The following PIK3CB variants were observed in gnomAD, a reference collection of about 807,000 sequenced individuals.
PIK3CB encodes the protein phosphatidylinositol 4,5-bisphosphate 3-kinase catalytic subunit beta isoform.
In PIK3CB, 39 loss-of-function variants were observed where a neutral mutation model predicts 136.8. That is an observed-to-expected ratio of 0.29 (90% confidence interval 0.22 to 0.37). The LOEUF (loss-of-function observed/expected upper bound fraction) is 0.37, where lower values mean the gene tolerates loss of function less well. PIK3CB is among the 10% of genes least tolerant of loss of function. The pLI, the probability that PIK3CB is intolerant of heterozygous loss-of-function variation, is 1.00. For missense variants in PIK3CB, 868 were observed against 1,275.4 expected (o/e 0.68, Z 4.87); for synonymous variants, 428 against 436.6 (o/e 0.98, Z 0.25).
intron 2 of PIK3CB, chr3:138,777,927 A>AC (rs2045878756): frequency 1.4e-5 from 4 of 282,028 alleles, no homozygotes; most frequent in South Asian, 1.2e-4. Context: ...CTCATCAAGG[A>AC]CCCCCTCATT....
At chr3:138,794,446 T>C (rs2046086677) in intron 2 of PIK3CB, among the ~76,000 whole-genome samples, 1 of 152,188 alleles carries the variant, frequency 6.6e-6, no homozygotes, top group Admixed American at 6.5e-5. Flanking sequence ...AGTAAAGGCC[T>C]AGTTTGAGAT....
chr3:138,712,160 C>A, intron 10 of PIK3CB, 48 bp downstream of exon 10: 3 of 899,314 alleles, frequency 3.3e-6, no homozygotes, highest in South Asian at 3.1e-5. Flanking sequence ...GTCCACATGC[C>A]AAAAGTTAGT....
intron 5 of PIK3CB, among the ~76,000 whole-genome samples, chr3:138,740,037 T>G (rs1320277401): frequency 6.6e-6 from 1 of 151,836 alleles, no homozygotes; most frequent in Non-Finnish European, 1.5e-5. Flanking sequence ...ACTGGTGCCT[T>G]GATCTTGGAC....
At chr3:138,740,950 T>C (rs1273534555) in intron 5 of PIK3CB, among the ~76,000 whole-genome samples, 2 of 152,204 alleles carry the variant, frequency 1.3e-5, no homozygotes, top group East Asian at 3.9e-4. Flanking sequence ...TGTTCTCAAG[T>C]TGAACTCTCA....
intron 2 of PIK3CB, among the ~76,000 whole-genome samples, chr3:138,786,569 C>A (rs1245266218): frequency 6.6e-6 from 1 of 152,048 alleles, no homozygotes; most frequent in South Asian, 2.1e-4. Context: ...TGGTCTCGAA[C>A]TCCTCACCTC....
At chr3:138,683,316 T>G (rs918116121) in intron 18 of PIK3CB, among the ~76,000 whole-genome samples, 1 of 148,898 alleles carries the variant, frequency 6.7e-6, no homozygotes, top group Admixed American at 6.7e-5. Context: ...ATCGTGCCAT[T>G]GCACTCCAGG....
At chr3:138,714,442 A>T (rs2044567254) in intron 9 of PIK3CB, 26 bp downstream of exon 9, 2 of 1,503,906 alleles carry the variant, frequency 1.3e-6, no homozygotes, top group South Asian at 2.4e-5. Context: ...ATATAAAACA[A>T]TCCTCAGAAG....
chr3:138,675,660 G>A (rs2043628920), intron 19 of PIK3CB, among the ~76,000 whole-genome samples: 1 of 152,136 alleles, frequency 6.6e-6, no homozygotes, highest in Non-Finnish European at 1.5e-5. Flanking sequence ...TGACATATTA[G>A]ACATGCTGAA....
intron 11 of PIK3CB, among the ~76,000 whole-genome samples, chr3:138,706,354 C>G (rs972363221): frequency 2.6e-5 from 4 of 152,098 alleles, no homozygotes; most frequent in African/African-American, 9.7e-5. Flanking sequence ...CTCTTTATCC[C>G]CAAGACATGC....
chr3:138,663,009 C>T (rs1035713844), intron 21 of PIK3CB, among the ~76,000 whole-genome samples: 4 of 152,128 alleles, frequency 2.6e-5, no homozygotes, highest in Admixed American at 6.5e-5. Flanking sequence ...GCAAGGACTT[C>T]ATGTCTAAAA....
At chr3:138,779,265 T>C (rs930691302) in intron 2 of PIK3CB, among the ~76,000 whole-genome samples, 1 of 151,874 alleles carries the variant, frequency 6.6e-6, no homozygotes, top group African/African-American at 2.4e-5. Context: ...TTTTTGTATT[T>C]TTAGTAGAGA....
intron 4 of PIK3CB, among the ~76,000 whole-genome samples, chr3:138,751,128 A>G (rs752161708): frequency 6.6e-6 from 1 of 152,176 alleles, no homozygotes; most frequent in Non-Finnish European, 1.5e-5. Flanking sequence ...AACTGATACA[A>G]TCTAAATTTG....
At position 138,691,054 on chromosome 3, in the gene PIK3CB, A is replaced by C; in HGVS notation, c.1982T>G (p.Leu661Ter). 6.2e-7 allele frequency: 1 copy of C among 1,612,922 alleles called. No individual in the cohort carries two copies. Among genetic ancestry groups the C allele is most frequent in the Non-Finnish European group, 8.5e-7 (1 of 1,178,952 alleles). Residue 661 changes from leucine to a stop codon, truncating the protein, a stop_gained, in exon 15 of 24, where the codon TTA (leucine) becomes TGA (stop). Transcript: ENST00000674063. LOFTEE classifies it high-confidence loss of function. ...CCTCCGATTACCAAGTGCTCTTTCT[A>C]ATAGGAATCTAGAGAGGGCACAATC... Reference protein sequence around the residue: ...FLDCALSRFLLERALGNRRIG... With the variant: ...FLDCALSRFL
At chr3:138,763,920 G>A (rs923730247) in intron 2 of PIK3CB, among the ~76,000 whole-genome samples, 1 of 150,934 alleles carries the variant, frequency 6.6e-6, no homozygotes, top group African/African-American at 2.4e-5. Flanking sequence ...AGACCAGCCT[G>A]ACCAACATGG....
intron 1 of PIK3CB, chr3:138,825,275 CTG>C: frequency 2.4e-6 from 1 of 422,164 alleles, no homozygotes; most frequent in South Asian, 4.3e-5. Context: ...CTCAGGCTGA[CTG>C]TGCTGTTCTG....
intron 4 of PIK3CB, among the ~76,000 whole-genome samples, chr3:138,748,906 G>C (rs2045416548): frequency 6.6e-6 from 1 of 152,150 alleles, no homozygotes; most frequent in Non-Finnish European, 1.5e-5. Flanking sequence ...ATGCATGTCA[G>C]TAAGGGTTGC....
At chr3:138,663,389 A>G (rs190693648) in intron 21 of PIK3CB, among the ~76,000 whole-genome samples, 3 of 151,600 alleles carry the variant, frequency 2.0e-5, no homozygotes, top group African/African-American at 7.3e-5. Context: ...TTTTTCAATA[A>G]TTTTTTTTTG....
At position 138,654,595 on chromosome 3, in the gene PIK3CB, T is replaced by C. The variant is rs1465051694; in HGVS notation, c.*794A>G. On this transcript the variant is annotated 3_prime_UTR_variant, in exon 24 of 24. Transcript: ENST00000674063. ...AACTGTATTAATATGTGCCTCATTA[T>C]AGAAGCAGCTGGAAGAACTGGATCA... 2 of 227,220 alleles carry C rather than the reference T, an allele frequency of 8.8e-6. No homozygotes were observed. Among genetic ancestry groups the C allele is most frequent in the Non-Finnish European group, 1.7e-5 (2 of 114,348 alleles). The allele number at this position is 227,220 out of a possible 1,614,324, so 14.1% of individuals were successfully genotyped here.
intron 9 of PIK3CB, among the ~76,000 whole-genome samples, chr3:138,713,409 C>G (rs1031003374): frequency 1.3e-5 from 2 of 151,992 alleles, no homozygotes; most frequent in Non-Finnish European, 2.9e-5. Context: ...ACGGTGGCCA[C>G]GCCTGTAATC....
Sources: allele counts gnomAD v4.1 joint callset (sites outside exome capture counted in the v4.1 genomes callset), GRCh38; gene constraint gnomAD v4.1.1; transcripts MANE v1.5; gene names NCBI Gene and HGNC (gene_info 2026-07-23, HGNC 2026-07-21).